Variants in ZFHX3 observed in about 807,000 individuals in gnomAD.
ZFHX3 encodes zinc finger homeobox 3, also known as zinc finger homeobox protein 3.
ZFHX3 carries 42 observed loss-of-function variants against 279.1 expected under a neutral mutation model. The observed-to-expected ratio is 0.15, with a 90% CI of 0.12 to 0.19. The LOEUF is 0.19. ZFHX3 is among the 10% of genes least tolerant of loss of function. The pLI, the probability that ZFHX3 is intolerant of heterozygous loss-of-function variation, is 1.00. For synonymous variants in ZFHX3, 2,293 were observed against 1,957.8 expected (o/e 1.17, Z -4.52); for missense variants, 4,981 against 4,754.0 (o/e 1.05, Z -1.40).
intron 5 of ZFHX3, among the ~76,000 whole-genome samples, chr16:73,220,743 G>A (rs1339549397): frequency 6.6e-6 from 1 of 151,980 alleles, no homozygotes; most frequent in Non-Finnish European, 1.5e-5. Flanking sequence ...TGTTCACCCA[G>A]AGGGGTTGCA....
chr16:73,633,099 A>C (rs1488286362), intron 2 of ZFHX3, among the ~76,000 whole-genome samples: 3 of 152,254 alleles, frequency 2.0e-5, no homozygotes, highest in African/African-American at 7.2e-5. Flanking sequence ...AAAATAAGAA[A>C]GACTGACATC....
intron 2 of ZFHX3, among the ~76,000 whole-genome samples, chr16:73,627,642 G>T (rs993712400): frequency 2.6e-5 from 4 of 152,216 alleles, no homozygotes; most frequent in African/African-American, 9.6e-5. Flanking sequence ...TGTTGGGGTG[G>T]GCGCAGTGGC....
chr16:72,902,029 T>C (rs999043610), intron 3 of ZFHX3, among the ~76,000 whole-genome samples: 9 of 152,370 alleles, frequency 5.9e-5, no homozygotes, highest in South Asian at 2.1e-4. Flanking sequence ...GCAAACTCTG[T>C]GGCACTTTAA....
At chr16:73,844,691 TAGAG>T (rs762887455) in intron 1 of ZFHX3, among the ~76,000 whole-genome samples, 6 of 151,106 alleles carry the variant, frequency 4.0e-5, no homozygotes, top group Admixed American at 1.3e-4. Flanking sequence ...TGACAGACGA[TAGAG>T]AGAGATCAGA....
intron 7 of ZFHX3, among the ~76,000 whole-genome samples, chr16:73,115,157 C>T (rs1393980254): frequency 3.9e-5 from 6 of 152,186 alleles, no homozygotes; most frequent in Middle Eastern, 3.4e-3. Flanking sequence ...CCCCTCATCT[C>T]CAAGTCTCAG....
chr16:73,690,870 T>C (rs998257367), intron 1 of ZFHX3, among the ~76,000 whole-genome samples: 2 of 152,152 alleles, frequency 1.3e-5, no homozygotes, highest in Non-Finnish European at 2.9e-5. Context: ...CTGATACCAA[T>C]AGCACTGCCC....
intron 5 of ZFHX3, among the ~76,000 whole-genome samples, chr16:73,252,901 C>T (rs1393671538): frequency 6.6e-6 from 1 of 152,182 alleles, no homozygotes; most frequent in Non-Finnish European, 1.5e-5. Context: ...GGAAGGCCAC[C>T]GGAGTCCAAA....
chr16:72,810,865 G>A (rs1007707701), intron 7 of ZFHX3, among the ~76,000 whole-genome samples: 8 of 152,092 alleles, frequency 5.3e-5, no homozygotes, highest in Middle Eastern at 3.2e-3. Context: ...ATGGGAATGT[G>A]TCAAAAAAAT....
intron 1 of ZFHX3, among the ~76,000 whole-genome samples, chr16:73,887,595 A>C (rs1291230554): frequency 1.3e-5 from 2 of 152,196 alleles, no homozygotes; most frequent in Non-Finnish European, 2.9e-5. Flanking sequence ...AGATGGAATG[A>C]AGTGAATGCT....
intron 1 of ZFHX3, among the ~76,000 whole-genome samples, chr16:73,784,576 A>T (rs1001872192): frequency 6.6e-6 from 1 of 151,694 alleles, no homozygotes; most frequent in Admixed American, 6.6e-5. Flanking sequence ...GTGAAACCCC[A>T]TCTCTACTAA....
At chr16:73,166,430 C>A (rs902219332) in intron 5 of ZFHX3, among the ~76,000 whole-genome samples, 2 of 152,022 alleles carry the variant, frequency 1.3e-5, no homozygotes, top group African/African-American at 4.8e-5. Context: ...AGAACTTGAA[C>A]CTGGCAGGCA....
chr16:73,333,802 GACCA>G lies in ZFHX3; in HGVS notation c.-1290-15470_-1290-15467del, dbSNP rs1211947852. Among the ~76,000 whole-genome samples, 341 of 42,220 alleles carry G rather than the reference GACCA, an allele frequency of 8.1e-3. 7 individuals are homozygous for G. The highest frequency in any genetic ancestry group is 0.033 in the African/African-American group (327 of 9,926). 27.7% of individuals were successfully genotyped at this position (42,220 alleles called of 152,430 possible). Reference sequence around the variant, plus strand: ...GTCAAAGGAAGTTTTCACCCCAAGAGACCAAAAAAAAAAAAAAAAAAAAAAAAAA... The same window carrying G: ...GTCAAAGGAAGTTTTCACCCCAAGAGAAAAAAAAAAAAAAAAAAAAAAAAA... On this transcript the variant is annotated intron_variant, in intron 3 of 17. Coordinates refer to the ZFHX3 transcript ENST00000641206.
intron 3 of ZFHX3, among the ~76,000 whole-genome samples, chr16:73,411,419 T>A (rs1323127060): frequency 8.5e-5 from 13 of 152,244 alleles, no homozygotes; most frequent in Admixed American, 8.5e-4. Flanking sequence ...AAAATCTTTA[T>A]CTGTGGGAAT....
intron 3 of ZFHX3, among the ~76,000 whole-genome samples, chr16:73,324,568 A>T (rs2015642865): frequency 6.6e-6 from 1 of 152,238 alleles, no homozygotes; most frequent in Non-Finnish European, 1.5e-5. Context: ...GAACAAGAAG[A>T]GAATGCAATG....
chr16:73,199,923 T>C (rs1968231782), intron 5 of ZFHX3, among the ~76,000 whole-genome samples: 1 of 152,226 alleles, frequency 6.6e-6, no homozygotes, highest in South Asian at 2.1e-4. Context: ...AGAAAGCCTA[T>C]GAAGTAACCT....
Position 73,206,185 on chromosome 16 carries a change from T to C in ZFHX3, c.-1104+50862A>G, listed in dbSNP as rs575687762. On this transcript the variant is annotated intron_variant, in intron 5 of 17. Transcript: ENST00000641206. Reference sequence around the variant, plus strand: ...AATATTGCTCTGGTTGAATCAAAGATTGAATTAATAGGGAATTATCATATA... The same window carrying C: ...AATATTGCTCTGGTTGAATCAAAGACTGAATTAATAGGGAATTATCATATA... Among the ~76,000 whole-genome samples, 4 of 152,340 alleles carry C rather than the reference T, an allele frequency of 2.6e-5. No individual in the cohort carries two copies. In the South Asian group the frequency reaches 8.3e-4, roughly 32 times the overall value.
chr16:73,787,177 G>A (rs1959673965), intron 1 of ZFHX3, among the ~76,000 whole-genome samples: 1 of 152,170 alleles, frequency 6.6e-6, no homozygotes, highest in Admixed American at 6.6e-5. Flanking sequence ...ATCTTCTTAG[G>A]AGATGCTTTT....
At chr16:73,318,534 C>G (rs559822853) in intron 3 of ZFHX3, among the ~76,000 whole-genome samples, 1 of 151,220 alleles carries the variant, frequency 6.6e-6, no homozygotes, top group African/African-American at 2.4e-5. Context: ...TTCTTTATTC[C>G]TTTTTCTTCT....
chr16:73,632,805 G>A (rs968702302), intron 2 of ZFHX3, among the ~76,000 whole-genome samples: 3 of 152,280 alleles, frequency 2.0e-5, no homozygotes, highest in Non-Finnish European at 4.4e-5. Context: ...GGCTGGGAAC[G>A]GTGGCTTACG....
Sources: allele counts gnomAD v4.1 joint callset (sites outside exome capture counted in the v4.1 genomes callset), GRCh38; gene constraint gnomAD v4.1.1; transcripts MANE v1.5; gene names NCBI Gene and HGNC (gene_info 2026-07-23, HGNC 2026-07-21).